Variants in PLA2G6 observed in about 807,000 individuals in gnomAD.
PLA2G6 encodes phospholipase A2 group VI.
In PLA2G6, 62 loss-of-function variants were observed where a neutral mutation model predicts 83.8. That is an observed-to-expected ratio of 0.74 (90% CI 0.60 to 0.91). PLA2G6 has a LOEUF of 0.91. Ranked by LOEUF, PLA2G6 falls within the 40% of genes least tolerant of loss-of-function variation. PLA2G6 has a pLI of 0.00. For synonymous variants in PLA2G6, 417 were observed against 449.8 expected, an observed-to-expected ratio of 0.93 and a Z score of 0.92; for missense variants, 944 against 1,102.0, an observed-to-expected ratio of 0.86 and a Z score of 2.03.
chr22:38,136,713 T>C (rs2088573506), intron 5 of PLA2G6: 1 of 150,830 alleles, frequency 6.6e-6, no homozygotes, highest in Admixed American at 6.6e-5. Flanking sequence ...GTGGATTGTA[T>C]GGAATAGGAA....
At chr22:38,129,615 C>T in intron 7 of PLA2G6, 53 bp from the exon 8 acceptor site, 1 of 1,434,032 alleles carries the variant, frequency 7.0e-7, no homozygotes, top group Non-Finnish European at 9.8e-7. Context: ...AAGTGAAGAA[C>T]AAAGGGGCCC....
intron 1 of PLA2G6, among the ~76,000 whole-genome samples, chr22:38,175,054 G>A (rs1447947331): frequency 1.3e-5 from 2 of 152,150 alleles, no homozygotes; most frequent in Non-Finnish European, 2.9e-5. Flanking sequence ...TCTCAGGCAC[G>A]GGAGGAGCGG....
intron 12 of PLA2G6, among the ~76,000 whole-genome samples, chr22:38,117,833 T>C (rs4610161): frequency 0.33 from 49,923 of 151,512 alleles, 8,667 homozygotes; most frequent in South Asian, 0.43. Flanking sequence ...GTTAGGAGTT[T>C]GAGACTGGCC....
At position 38,132,522 on chromosome 22, in the gene PLA2G6, TG is replaced by T; in HGVS notation, c.1077+308del. 2.0e-6 allele frequency: 1 copy of T among 492,450 alleles called. No individual in the cohort carries two copies. The highest frequency in any genetic ancestry group is 3.7e-6 in the Non-Finnish European group (1 of 272,928). The allele number at this position is 492,450 out of a possible 1,614,324, so 30.5% of individuals were successfully genotyped here. On this transcript the variant is annotated intron_variant, in intron 7 of 16. Coordinates refer to ENST00000332509, the MANE Select transcript of PLA2G6 (RefSeq NM_003560.4). The surrounding 1 kb of genome is among the most constrained non-coding windows in gnomAD (Gnocchi z 5.0). ...AGGAAATCGAGGCTGACAGGTGACA[TG>T]GCTTGCTCAGGGCCAGTCTATGGCC...
rs72012543 is a variant in PLA2G6, at chr22:38,177,458, CTTTTTTTT to C, written c.-46+4198_-46+4205del. ...CACCACAGTTTCGGGTAAATTGCCA[CTTTTTTTT>C]TTTTTTTTTTTTTGAGACAGAGTTT... On this transcript the variant is annotated intron_variant, in intron 1 of 16. Transcript: ENST00000332509. Among the ~76,000 whole-genome samples, 38 of 115,642 alleles carry C rather than the reference CTTTTTTTT, an allele frequency of 3.3e-4. No individual in the cohort carries two copies. In the East Asian group the frequency reaches 7.0e-3, roughly 21 times the overall value. 75.9% of individuals were successfully genotyped at this position (115,642 alleles called of 152,430 possible).
At chr22:38,139,415 T>TTTA (rs2088752755) in intron 5 of PLA2G6, 3 of 147,342 alleles carry the variant, frequency 2.0e-5, no homozygotes, top group Admixed American at 6.8e-5. Flanking sequence ...ATAAATTTAT[T>TTTA]TTTATTTATT....
intron 16 of PLA2G6, 46 bp from the exon 17 acceptor site, chr22:38,112,351 G>A (rs955215757): frequency 1.2e-6 from 2 of 1,604,622 alleles, no homozygotes; most frequent in Admixed American, 1.7e-5. Context: ...TGCTCAGGCT[G>A]GGCAGGGGAC....
chr22:38,113,588 C>G lies in PLA2G6; in HGVS notation c.2101G>C (p.Val701Leu). Residue 701 changes from valine to leucine, a missense_variant, in exon 15 of 17, where the codon GTG becomes CTG. By Grantham distance (32) the Val-to-Leu change is conservative. Transcript: ENST00000332509. ...AAGACATCCACACAGGTCACAGGCA[C>G]TTGTGGGGACCTCCCTGTCCCCAGG... ...VSLGTGRSPQ[V>L]PVTCVDVFRP... The G allele has an allele frequency of 5.0e-6, 8 of 1,613,748 alleles. No individual in the cohort carries two copies. The highest frequency in any genetic ancestry group is 6.8e-6 in the Non-Finnish European group (8 of 1,179,778).
intron 9 of PLA2G6, among the ~76,000 whole-genome samples, chr22:38,127,669 G>A (rs1342004944): frequency 6.6e-6 from 1 of 152,116 alleles, no homozygotes; most frequent in Non-Finnish European, 1.5e-5. Flanking sequence ...AGGGGACCCC[G>A]CTCCCAAACA....
At chr22:38,114,181 C>CTT (rs892300892) in intron 14 of PLA2G6, among the ~76,000 whole-genome samples, 7 of 137,588 alleles carry the variant, frequency 5.1e-5, no homozygotes, top group Non-Finnish European at 9.5e-5. Context: ...TGGGTGCTGC[C>CTT]TTTTTTTTTT....
At chr22:38,127,618 G>A (rs1412516869) in intron 9 of PLA2G6, among the ~76,000 whole-genome samples, 1 of 152,204 alleles carries the variant, frequency 6.6e-6, no homozygotes, top group Non-Finnish European at 1.5e-5. Flanking sequence ...CCACAGTGAA[G>A]TCTGGCTCAC....
At position 38,132,182 on chromosome 22, in the gene PLA2G6, T is replaced by C; in HGVS notation, c.1077+649A>G. The C allele has an allele frequency of 2.2e-6, 1 of 449,082 alleles. No homozygotes were observed. Among genetic ancestry groups the C allele is most frequent in the Non-Finnish European group, 4.5e-6 (1 of 223,878 alleles). 27.8% of individuals were successfully genotyped at this position (449,082 alleles called of 1,614,324 possible). On this transcript the variant is annotated intron_variant, in intron 7 of 16. Transcript: ENST00000332509. This position sits in a 1 kb window ranked among gnomAD's most constrained non-coding sequence, Gnocchi z 5.0. The stretch of plus-strand genomic sequence containing the variant: ...TAACGTCCTCCTCTGCTAGGTTTAA[T>C]ATGTTCATACTCTAGATGTGTAACC...
chr22:38,151,247 CT>C (rs2089544718), intron 2 of PLA2G6, among the ~76,000 whole-genome samples: 2 of 151,650 alleles, frequency 1.3e-5, no homozygotes. Context: ...TTTTTCTTTC[CT>C]TCTTTTTTTT....
chr22:38,170,736 G>C (rs893050425), intron 1 of PLA2G6, among the ~76,000 whole-genome samples: 2 of 152,126 alleles, frequency 1.3e-5, no homozygotes, highest in African/African-American at 4.8e-5. Context: ...GGGGGAGAGA[G>C]GACATCTGAG....
At chr22:38,172,851 G>T (rs2090489112) in intron 1 of PLA2G6, among the ~76,000 whole-genome samples, 1 of 152,206 alleles carries the variant, frequency 6.6e-6, no homozygotes, top group Admixed American at 6.5e-5. Flanking sequence ...CCCCACCAGA[G>T]CCTGGGGCTA....
intron 4 of PLA2G6, chr22:38,141,324 C>T (rs1400055177): frequency 1.3e-5 from 2 of 152,394 alleles, no homozygotes; most frequent in African/African-American, 4.8e-5. Context: ...CCACTGCACT[C>T]CAGCCTGGGC....
chr22:38,181,211 G>C (rs1414814230), intron 1 of PLA2G6, among the ~76,000 whole-genome samples: 1 of 152,124 alleles, frequency 6.6e-6, no homozygotes, highest in African/African-American at 2.4e-5. Flanking sequence ...CAGGCTGAGG[G>C]GAAGGAGGGA....
chr22:38,123,323 C>T lies in PLA2G6; in HGVS notation c.1428-65G>A. On this transcript the variant is annotated intron_variant, in intron 10 of 16. Transcript: ENST00000332509. The surrounding 1 kb of genome is among the most constrained non-coding windows in gnomAD (Gnocchi z 4.1). ...CACAGCCCAGTACTTTACATCCACC[C>T]TCATAGCCCTTGTCCCCTGCAGCTG... The T allele has an allele frequency of 6.7e-7, 1 of 1,490,554 alleles. No homozygotes were observed. Among genetic ancestry groups the T allele is most frequent in the African/African-American group, 1.4e-5 (1 of 71,982 alleles). The allele number at this position is 1,490,554 out of a possible 1,614,324, so 92.3% of individuals were successfully genotyped here. A position where few individuals can be genotyped will look rare whatever the true frequency, so the allele number is the denominator to read the frequency against.
At chr22:38,116,001 C>T in intron 13 of PLA2G6, 74 bp downstream of exon 13, 1 of 1,564,792 alleles carries the variant, frequency 6.4e-7, no homozygotes, top group Non-Finnish European at 8.8e-7. Context: ...ATGGCAAGTG[C>T]ACGACTCCCA....
Sources: gnomAD v4.1 joint callset for allele counts (sites outside exome capture counted in the v4.1 genomes callset) on GRCh38, gnomAD v4.1.1 for gene constraint, Gnocchi (gnomAD v3.1) non-coding constraint, MANE v1.5 for transcripts, NCBI Gene and HGNC (gene_info 2026-07-23, HGNC 2026-07-21) for gene names.